The following TRPM7 variants were observed in gnomAD, a reference collection of about 807,000 sequenced individuals.
TRPM7 encodes the protein LTRPC ion channel family member 7.
Under a neutral mutation model 229.7 loss-of-function variants are expected in TRPM7, and 134 were observed. The observed-to-expected ratio is 0.58, with a 90% CI of 0.51 to 0.67. The LOEUF is 0.67. TRPM7 is among the 30% of genes least tolerant of loss of function. The pLI, the probability that TRPM7 is intolerant of heterozygous loss-of-function variation, is 0.00. For missense variants in TRPM7, 1,901 were observed against 2,210.0 expected (o/e 0.86, Z 2.80); for synonymous variants, 699 against 715.2 (o/e 0.98, Z 0.36).
intron 2 of TRPM7, among the ~76,000 whole-genome samples, chr15:50,660,907 C>T (rs916802481): frequency 6.6e-6 from 1 of 151,702 alleles, no homozygotes; most frequent in African/African-American, 2.4e-5. Context: ...TCGAAAACAA[C>T]TAAATTGACC....
At chr15:50,607,449 G>C in intron 19 of TRPM7, 121 bp from the exon 20 acceptor site, 3 of 817,704 alleles carry the variant, frequency 3.7e-6, no homozygotes, top group Non-Finnish European at 5.5e-6. Flanking sequence ...TTATCTCCTA[G>C]TTTCCTTTAT....
rs1312263009 is a variant in TRPM7 at position 50,582,064 on chromosome 15, G to A, written c.4557+1025C>T. On this transcript the variant is annotated intron_variant, in intron 29 of 38. Transcript: ENST00000646667. ...TGCAACCTCCACCTCCCTGGTTCAG[G>A]AGACTCTCCTGCTTCAGCCTCCCGA... Among the ~76,000 whole-genome samples the A allele has an allele frequency of 3.3e-5, 5 of 152,114 alleles. No homozygotes were observed. In the East Asian group the frequency reaches 9.6e-4, roughly 29 times the overall value.
intron 27 of TRPM7, 47 bp from the exon 28 acceptor site, chr15:50,586,535 TTTC>T: frequency 3.2e-6 from 4 of 1,264,626 alleles, no homozygotes; most frequent in Non-Finnish European, 4.5e-6. Context: ...TTGAACTAAA[TTTC>T]AACCCATTAC....
chr15:50,639,733 A>ATTTTT (rs553888440), intron 5 of TRPM7, among the ~76,000 whole-genome samples, 185 bp from the exon 6 acceptor site: 2 of 140,176 alleles, frequency 1.4e-5, no homozygotes, highest in African/African-American at 2.7e-5. Context: ...CAGCCGGCTA[A>ATTTTT]TTTTTTTTTT....
intron 38 of TRPM7, among the ~76,000 whole-genome samples, chr15:50,565,416 T>G (rs2053555625): frequency 6.6e-6 from 1 of 152,250 alleles, no homozygotes; most frequent in South Asian, 2.1e-4. Flanking sequence ...AGGTATATGA[T>G]GAAAACATTA....
At chr15:50,663,104 A>G in intron 1 of TRPM7, 58 bp from the exon 2 acceptor site, 1 of 1,337,202 alleles carries the variant, frequency 7.5e-7, no homozygotes, top group Non-Finnish European at 1.1e-6. Flanking sequence ...TAAGAAGGAA[A>G]CAATTTCATG....
chr15:50,633,203 T>C (rs1227320917), intron 8 of TRPM7, among the ~76,000 whole-genome samples: 1 of 152,210 alleles, frequency 6.6e-6, no homozygotes, highest in Non-Finnish European at 1.5e-5. Context: ...TCTCTTTGAA[T>C]TACTTTGTGA....
At chr15:50,576,582 G>A (rs531366) in intron 31 of TRPM7, among the ~76,000 whole-genome samples, 11,443 of 152,212 alleles carry the variant, frequency 0.075, 558 homozygotes, top group South Asian at 0.12. Flanking sequence ...TGGTTGAGAA[G>A]ACGTCAAAGC....
In TRPM7 at chr15:50,557,950, T is replaced by C. The variant is rs2053191116; in HGVS notation, c.*3728A>G. Reference sequence around the variant, plus strand: ...TGAGCCACTGCACCTGGCCGAGAATTCCACATTTTAAGAATATGGTAAAAG... The same window carrying C: ...TGAGCCACTGCACCTGGCCGAGAATCCCACATTTTAAGAATATGGTAAAAG... On this transcript the variant is annotated 3_prime_UTR_variant, in exon 39 of 39. Coordinates refer to ENST00000646667, the MANE Select transcript of TRPM7 (RefSeq NM_017672.6). The C allele has an allele frequency of 6.6e-6, 1 of 152,178 alleles. No homozygotes were observed. The highest frequency in any genetic ancestry group is 1.5e-5 in the Non-Finnish European group (1 of 68,038). The allele number at this position is 152,178 out of a possible 1,614,324, so 9.4% of individuals were successfully genotyped here. A position where few individuals can be genotyped will look rare whatever the true frequency, so the allele number is the denominator to read the frequency against.
At position 50,569,952 on chromosome 15, in the gene TRPM7, T is replaced by A. The variant is rs1461780438; in HGVS notation, c.5402A>T (p.Asp1801Val). 1.2e-6 allele frequency: 2 copies of A among 1,612,422 alleles called. No individual in the cohort carries two copies. Among genetic ancestry groups the A allele is most frequent in the African/African-American group, 2.7e-5 (2 of 74,854 alleles). The part of the protein sequence containing the change: ...MVFGPANLGE[D>V]AIKNFRAKHH... ...TTTTGCTCTGAAGTTTTTAATTGCA[T>A]CTTCTCCTAGATTTGCTGGGCCAAA... The change falls in exon 38 of 39, where the codon GAT becomes GTT. Residue 1801 changes from aspartate (D) to valine (V), a missense_variant. Transcript: ENST00000646667.
In TRPM7 at chr15:50,591,939, T is replaced by G; in HGVS notation, c.4296A>C (p.Gly1432=). 6.3e-7 allele frequency: 1 copy of G among 1,583,272 alleles called. No individual in the cohort carries two copies. Among genetic ancestry groups the G allele is most frequent in the African/African-American group, 1.4e-5 (1 of 73,064 alleles). Residue 1432 remains glycine (G), a synonymous_variant, in exon 26 of 39, where the codon GGA becomes GGC. Transcript: ENST00000646667. ...CAAATGCTCCAAATTCTGTATTATC[T>G]CCTTCTGTAGCTTTAGAGCAAACAG... ...QETVCSKATE[G]DNTEFGAFVG...
chr15:50,623,370 C>T (rs2060467971), intron 12 of TRPM7, among the ~76,000 whole-genome samples: 1 of 151,102 alleles, frequency 6.6e-6, no homozygotes, highest in Admixed American at 6.6e-5. Context: ...AAAGATGGCA[C>T]CACTGCACTC....
intron 12 of TRPM7, among the ~76,000 whole-genome samples, chr15:50,623,553 G>A (rs1596233241): frequency 1.3e-5 from 2 of 150,032 alleles, no homozygotes; most frequent in East Asian, 4.0e-4. Context: ...AGTAGATGGG[G>A]CAATATATGA....
intron 33 of TRPM7, 23 bp downstream of exon 33, chr15:50,575,701 A>C (rs2054097840): frequency 6.3e-7 from 1 of 1,595,892 alleles, no homozygotes; most frequent in African/African-American, 1.3e-5. Flanking sequence ...TCACTTATTT[A>C]TTTCTTTAAT....
intron 23 of TRPM7, among the ~76,000 whole-genome samples, chr15:50,595,242 T>TA (rs561628383): frequency 9.5e-5 from 14 of 147,850 alleles, no homozygotes; most frequent in South Asian, 6.5e-4. Context: ...TGGCAACCAT[T>TA]AAAAAAAAAA....
intron 22 of TRPM7, 122 bp downstream of exon 22, chr15:50,599,000 T>C (rs2059704883): frequency 2.8e-6 from 2 of 705,060 alleles, no homozygotes; most frequent in Non-Finnish European, 4.6e-6. Flanking sequence ...ACTAACGCCT[T>C]TGTGTGGGGC....
chr15:50,607,848 ACTAGC>A (rs2059958578), intron 19 of TRPM7, among the ~76,000 whole-genome samples: 1 of 150,752 alleles, frequency 6.6e-6, no homozygotes, highest in Admixed American at 6.6e-5. Context: ...GGGGTTCGAA[ACTAGC>A]CTGGCCAACA....
chr15:50,605,434 T>A (rs1047526334), intron 20 of TRPM7, among the ~76,000 whole-genome samples: 2 of 152,196 alleles, frequency 1.3e-5, no homozygotes, highest in African/African-American at 4.8e-5. Context: ...TTTGAAAAAT[T>A]GTTTTATTTC....
Position 50,624,188 on chromosome 15 carries a change from C to T in TRPM7, c.1418G>A (p.Arg473Lys), listed in dbSNP as rs1243917259. The change falls in exon 12 of 39, where the codon AGA becomes AAA. Residue 473 changes from arginine to lysine, a missense_variant. Transcript: ENST00000646667. Reference sequence around the variant, plus strand: ...TACAGTGTTGTAAAGTTCTTCCAGTCTCGGAATGGTAAGGAATTTATGCAT... The same window carrying T: ...TACAGTGTTGTAAAGTTCTTCCAGTTTCGGAATGGTAAGGAATTTATGCAT... ...VSMHKFLTIP[R>K]LEELYNTKQG... 1.9e-6 allele frequency: 3 copies of T among 1,609,536 alleles called. No individual in the cohort carries two copies. The South Asian group carries it at 3.3e-5, about 18-fold the overall frequency.
Sources: allele counts gnomAD v4.1 joint callset (sites outside exome capture counted in the v4.1 genomes callset), GRCh38; gene constraint gnomAD v4.1.1; transcripts MANE v1.5; gene names NCBI Gene and HGNC (gene_info 2026-07-23, HGNC 2026-07-21).